Variants in SGCD observed in about 807,000 individuals in gnomAD.
SGCD encodes delta-sarcoglycan.
Under a neutral mutation model 36.6 loss-of-function variants are expected in SGCD, and 18 were observed. The observed-to-expected ratio is 0.49, with a 90% CI of 0.34 to 0.73. The LOEUF is 0.73. Among genes scored for constraint, SGCD ranks in the 30% least tolerant of loss-of-function variants. The pLI is 0.01. For synonymous variants in SGCD, 133 were observed against 130.6 expected (o/e 1.02, Z -0.12); for missense variants, 387 against 346.7 (o/e 1.12, Z -0.92).
chr5:155,789,879 G>A, the SGCD span, among the ~76,000 whole-genome samples: 3 of 152,082 alleles, frequency 2.0e-5, no homozygotes, highest in African/African-American at 7.2e-5. Context: ...TGGAAGCTAG[G>A]TCCCTTATTT....
At chr5:156,692,740 AT>A (rs1200739570) in intron 7 of SGCD, among the ~76,000 whole-genome samples, 1 of 152,194 alleles carries the variant, frequency 6.6e-6, no homozygotes. Context: ...TTAGTGTGTA[AT>A]ATTAAGAGGA....
intron 1 of SGCD, among the ~76,000 whole-genome samples, chr5:156,004,676 G>A (rs1468120915): frequency 6.6e-6 from 1 of 152,166 alleles, no homozygotes; most frequent in Non-Finnish European, 1.5e-5. Context: ...AAAGTTTGGC[G>A]CTGGATTTTC....
intron 3 of SGCD, among the ~76,000 whole-genome samples, chr5:156,355,790 C>T (rs1308749541): frequency 6.6e-6 from 1 of 152,200 alleles, no homozygotes; most frequent in Non-Finnish European, 1.5e-5. Context: ...GCATGTGCCA[C>T]CACGCCTGGC....
At chr5:156,046,517 T>C (rs1759768845) in intron 1 of SGCD, among the ~76,000 whole-genome samples, 1 of 152,208 alleles carries the variant, frequency 6.6e-6, no homozygotes, top group South Asian at 2.1e-4. Flanking sequence ...GGGTCACATT[T>C]TAGTAATTCT....
chr5:156,486,115 T>C (rs541438398), intron 3 of SGCD, among the ~76,000 whole-genome samples: 2 of 152,094 alleles, frequency 1.3e-5, no homozygotes, highest in South Asian at 4.2e-4. Context: ...GCAGACTATA[T>C]CCTGCCCTGA....
At chr5:156,003,839 C>T (rs1175804555) in intron 1 of SGCD, among the ~76,000 whole-genome samples, 1 of 152,144 alleles carries the variant, frequency 6.6e-6, no homozygotes, top group African/African-American at 2.4e-5. Context: ...GAGAGAAAAC[C>T]TGCTACTGAT....
intron 4 of SGCD, among the ~76,000 whole-genome samples, chr5:156,566,114 AT>A (rs1253005119): frequency 1.9e-4 from 29 of 152,334 alleles, no homozygotes; most frequent in African/African-American, 7.0e-4. Context: ...ATCACTGGTC[AT>A]TAGAGAAATG....
At chr5:155,802,007 A>G in the SGCD span, among the ~76,000 whole-genome samples, 3 of 152,178 alleles carry the variant, frequency 2.0e-5, no homozygotes, top group East Asian at 1.9e-4. Flanking sequence ...GGAATGGTCT[A>G]TGTAGTCCTG....
intron 7 of SGCD, among the ~76,000 whole-genome samples, chr5:156,756,381 C>T (rs1757335470): frequency 6.6e-6 from 1 of 152,062 alleles, no homozygotes; most frequent in Admixed American, 6.6e-5. Flanking sequence ...GACGCTATCT[C>T]TACAAAAAAT....
intron 4 of SGCD, among the ~76,000 whole-genome samples, chr5:156,537,546 C>T (rs1010677550): frequency 3.3e-5 from 5 of 151,728 alleles, no homozygotes. Flanking sequence ...TTCCTCCATT[C>T]CCTTGACCCT....
chr5:155,843,389 G>A, the SGCD span, among the ~76,000 whole-genome samples: 2 of 151,272 alleles, frequency 1.3e-5, no homozygotes, highest in African/African-American at 4.9e-5. Context: ...TTACTAGGAT[G>A]ACTCTCACTT....
upstream of SGCD, among the ~76,000 whole-genome samples, chr5:156,322,880 C>A (rs1767708333): frequency 6.6e-6 from 1 of 152,136 alleles, no homozygotes; most frequent in African/African-American, 2.4e-5. Flanking sequence ...AAGAGTTGTG[C>A]AATCAGATTT....
At chr5:156,314,360 G>T (rs1038276555) in intron 3 of SGCD, among the ~76,000 whole-genome samples, 1 of 151,624 alleles carries the variant, frequency 6.6e-6, no homozygotes, top group Non-Finnish European at 1.5e-5. Flanking sequence ...ATTTAGGCAG[G>T]GCATAAAGTA....
At chr5:155,815,501 A>G in the SGCD span, among the ~76,000 whole-genome samples, 1 of 152,332 alleles carries the variant, frequency 6.6e-6, no homozygotes, top group East Asian at 1.9e-4. Context: ...CTGTTCTCAC[A>G]TTGCTGTAAA....
intron 3 of SGCD, among the ~76,000 whole-genome samples, chr5:156,374,924 G>A (rs997418043): frequency 6.6e-6 from 1 of 152,018 alleles, no homozygotes; most frequent in African/African-American, 2.4e-5. Context: ...TGACATGTTC[G>A]AAATGAAACA....
chr5:156,357,115 T>A (rs1223454120), intron 3 of SGCD, among the ~76,000 whole-genome samples: 1 of 152,222 alleles, frequency 6.6e-6, no homozygotes, highest in Admixed American at 6.5e-5. Flanking sequence ...AAGTACAATC[T>A]GTGCAACAGT....
the SGCD span, among the ~76,000 whole-genome samples, chr5:155,808,065 C>G: frequency 6.6e-6 from 1 of 152,190 alleles, no homozygotes; most frequent in African/African-American, 2.4e-5. Flanking sequence ...CTGCCTTTGG[C>G]ACTGAAGTCC....
At chr5:156,411,399 C>T (rs1035371582) in intron 3 of SGCD, among the ~76,000 whole-genome samples, 1 of 152,100 alleles carries the variant, frequency 6.6e-6, no homozygotes, top group East Asian at 1.9e-4. Flanking sequence ...GTAGGGAGTT[C>T]GAAGCAGGCT....
chr5:156,410,467 G>A (rs1772678356), intron 3 of SGCD, among the ~76,000 whole-genome samples: 1 of 152,186 alleles, frequency 6.6e-6, no homozygotes, highest in African/African-American at 2.4e-5. Flanking sequence ...AAACCTCAGT[G>A]TCGTGCAATA....
Sources: allele counts gnomAD v4.1 joint callset (sites outside exome capture counted in the v4.1 genomes callset), GRCh38; gene constraint gnomAD v4.1.1; transcripts MANE v1.5; gene names NCBI Gene and HGNC (gene_info 2026-07-23, HGNC 2026-07-21).